The following RPS6KC1 variants were observed in gnomAD, a reference collection of about 807,000 sequenced individuals.
The protein encoded by RPS6KC1 is ribosomal protein S6 kinase C1.
A neutral mutation model predicts 103.8 loss-of-function variants in RPS6KC1; 54 were observed. That is an observed-to-expected ratio of 0.52 (90% CI 0.42 to 0.65). RPS6KC1 has a LOEUF of 0.65. Ranked by LOEUF, RPS6KC1 falls within the 30% of genes least tolerant of loss-of-function variation. The pLI is 0.00. For synonymous variants in RPS6KC1, 439 were observed against 438.7 expected, an observed-to-expected ratio of 1.00 and a Z score of -0.01; for missense variants, 1,151 against 1,253.8, an observed-to-expected ratio of 0.92 and a Z score of 1.24.
chr1:213,280,912 C>T, the RPS6KC1 span, among the ~76,000 whole-genome samples: 1 of 152,090 alleles, frequency 6.6e-6, no homozygotes, highest in African/African-American at 2.4e-5. Flanking sequence ...TAATAATGTG[C>T]TGTTCTTTTT....
At chr1:213,210,189 A>G (rs1015332378) in intron 8 of RPS6KC1, among the ~76,000 whole-genome samples, 2 of 151,886 alleles carry the variant, frequency 1.3e-5, no homozygotes, top group African/African-American at 4.8e-5. Flanking sequence ...ATTTTACCCA[A>G]CCCCTGTTCA....
intron 14 of RPS6KC1, among the ~76,000 whole-genome samples, chr1:213,268,029 A>G (rs2094951695): frequency 6.6e-6 from 1 of 151,908 alleles, no homozygotes; most frequent in Non-Finnish European, 1.5e-5. Context: ...ATGGCTAAAA[A>G]CGTTCCAAAT....
the RPS6KC1 span, among the ~76,000 whole-genome samples, chr1:213,664,193 G>GGGGT: frequency 3.7e-5 from 3 of 80,334 alleles, no homozygotes; most frequent in Admixed American, 4.5e-4. Context: ...AGAAATGAGC[G>GGGGT]GGGGGGCGGG....
the RPS6KC1 span, among the ~76,000 whole-genome samples, chr1:213,402,993 T>C: frequency 1.8e-4 from 26 of 144,800 alleles, no homozygotes; most frequent in East Asian, 5.1e-3. Flanking sequence ...CCAGGCATGG[T>C]GGCAGGTGCC....
intron 6 of RPS6KC1, among the ~76,000 whole-genome samples, chr1:213,137,794 TATATA>T (rs1304106394): frequency 1.1e-5 from 1 of 90,792 alleles, no homozygotes; most frequent in African/African-American, 4.6e-5. Context: ...TATATATATA[TATATA>T]TTTTTTTTTT....
chr1:213,222,907 G>T (rs1053733297), intron 8 of RPS6KC1, among the ~76,000 whole-genome samples: 2 of 152,138 alleles, frequency 1.3e-5, no homozygotes. Flanking sequence ...TGCCCATCTG[G>T]TTAAAAATTC....
the RPS6KC1 span, among the ~76,000 whole-genome samples, chr1:213,707,377 C>T: frequency 6.6e-6 from 1 of 152,126 alleles, no homozygotes; most frequent in Non-Finnish European, 1.5e-5. Flanking sequence ...ACACCCTTCA[C>T]CCACTTTTTG....
chr1:213,312,753 C>A, the RPS6KC1 span, among the ~76,000 whole-genome samples: 1 of 152,360 alleles, frequency 6.6e-6, no homozygotes, highest in East Asian at 1.9e-4. Flanking sequence ...ATTTTGCACA[C>A]TTCAGATCCA....
At chr1:213,797,324 C>G in the RPS6KC1 span, among the ~76,000 whole-genome samples, 1 of 152,118 alleles carries the variant, frequency 6.6e-6, no homozygotes, top group Admixed American at 6.5e-5. Context: ...TATACATTAA[C>G]TAAAAGAAGA....
At chr1:213,442,018 T>C in the RPS6KC1 span, among the ~76,000 whole-genome samples, 1 of 152,216 alleles carries the variant, frequency 6.6e-6, no homozygotes. Flanking sequence ...TTCCCATCAC[T>C]TCTGTGGGAG....
Position 213,124,129 on chromosome 1 carries a change from G to A in RPS6KC1, c.473-5398G>A, listed in dbSNP as rs1394413998. ...TAGCTGCTTTTTAACAAGTCACCTGGGGCCCTCTAATAGCCCTGAGACTTG... is the reference window on the plus strand; with the variant it reads ...TAGCTGCTTTTTAACAAGTCACCTGAGGCCCTCTAATAGCCCTGAGACTTG... On this transcript the variant is annotated intron_variant, in intron 5 of 14. Coordinates refer to ENST00000366960, the MANE Select transcript of RPS6KC1 (RefSeq NM_012424.6). Among the ~76,000 whole-genome samples, 3 of 152,060 alleles carry A rather than the reference G, an allele frequency of 2.0e-5. No homozygotes were observed. In the East Asian group the frequency reaches 5.8e-4, roughly 29 times the overall value.
chr1:213,228,678 A>C (rs887766034), intron 8 of RPS6KC1, among the ~76,000 whole-genome samples: 1 of 152,156 alleles, frequency 6.6e-6, no homozygotes, highest in Non-Finnish European at 1.5e-5. Flanking sequence ...TGAGCTAAAA[A>C]TCACACCAGA....
the RPS6KC1 span, among the ~76,000 whole-genome samples, chr1:213,374,940 C>T: frequency 3.3e-5 from 5 of 152,068 alleles, no homozygotes; most frequent in Admixed American, 1.3e-4. Context: ...TTGGTTTCTA[C>T]GTCTCATATA....
chr1:213,855,369 T>C, the RPS6KC1 span, among the ~76,000 whole-genome samples: 4 of 152,252 alleles, frequency 2.6e-5, no homozygotes, highest in African/African-American at 9.6e-5. Flanking sequence ...CTCTTGTATT[T>C]CAAAGCACTT....
the RPS6KC1 span, among the ~76,000 whole-genome samples, chr1:213,369,598 G>A: frequency 2.6e-5 from 4 of 152,270 alleles, no homozygotes; most frequent in Non-Finnish European, 4.4e-5. Context: ...CCTGCGTGGT[G>A]TCAGTGAAGT....
At chr1:213,742,628 A>G in the RPS6KC1 span, among the ~76,000 whole-genome samples, 2 of 152,224 alleles carry the variant, frequency 1.3e-5, no homozygotes, top group African/African-American at 2.4e-5. Context: ...CATGTTAACA[A>G]TGTATGTAGG....
the RPS6KC1 span, among the ~76,000 whole-genome samples, chr1:213,551,606 C>A: frequency 6.6e-6 from 1 of 152,246 alleles, no homozygotes; most frequent in African/African-American, 2.4e-5. Context: ...ATAGGGAGTT[C>A]CCGTATATAT....
the RPS6KC1 span, among the ~76,000 whole-genome samples, chr1:213,296,657 TATAGAGTCAGA>T: frequency 3.9e-5 from 6 of 152,190 alleles, no homozygotes; most frequent in African/African-American, 1.2e-4. Flanking sequence ...GTAGTATTTC[TATAGAGTCAGA>T]ATAGGAAGAG....
chr1:213,197,017 A>G (rs1208124346), intron 8 of RPS6KC1, among the ~76,000 whole-genome samples: 3 of 151,950 alleles, frequency 2.0e-5, no homozygotes, highest in Non-Finnish European at 4.4e-5. Context: ...TTGTATTTTT[A>G]GTAGAGACAG....
Sources: gnomAD v4.1 joint callset for allele counts (sites outside exome capture counted in the v4.1 genomes callset) on GRCh38, gnomAD v4.1.1 for gene constraint, MANE v1.5 for transcripts, NCBI Gene and HGNC (gene_info 2026-07-23, HGNC 2026-07-21) for gene names.